The following THEMIS variants were observed in gnomAD, a reference collection of about 807,000 sequenced individuals.
The protein encoded by THEMIS is protein THEMIS.
A neutral mutation model predicts 52.6 loss-of-function variants in THEMIS; 37 were observed. The observed-to-expected ratio is 0.70, with a 90% CI of 0.54 to 0.93. THEMIS has a LOEUF of 0.93. THEMIS is among the 40% of genes least tolerant of loss of function. The pLI is 0.00. For synonymous variants in THEMIS, 292 were observed against 272.7 expected (o/e 1.07, Z -0.70); for missense variants, 808 against 763.1 (o/e 1.06, Z -0.69).
At chr6:127,748,528 A>G (rs936585175) in intron 4 of THEMIS, among the ~76,000 whole-genome samples, 15 of 152,026 alleles carry the variant, frequency 9.9e-5, no homozygotes, top group African/African-American at 3.6e-4. Context: ...TTAATGACCT[A>G]ATCACCTCTT....
intron 4 of THEMIS, 47 bp from the exon 5 acceptor site, chr6:127,719,870 C>A: frequency 1.3e-6 from 2 of 1,593,112 alleles, no homozygotes; most frequent in Non-Finnish European, 8.5e-7. Flanking sequence ...AAAATAAATG[C>A]TTCATAGAGA....
intron 1 of THEMIS, among the ~76,000 whole-genome samples, chr6:127,890,786 T>A (rs1392519777): frequency 6.6e-6 from 1 of 152,104 alleles, no homozygotes; most frequent in African/African-American, 2.4e-5. Flanking sequence ...TAGTGTATAT[T>A]ATTAACAAAA....
chr6:127,742,469 A>T lies in THEMIS; in HGVS notation c.1759-22646T>A, dbSNP rs558272927. Among the ~76,000 whole-genome samples, 96 of 152,304 alleles carry T rather than the reference A, an allele frequency of 6.3e-4. 1 individual carries two copies. Among genetic ancestry groups the T allele is most frequent in the Non-Finnish European group, 1.0e-3 (71 of 68,024 alleles). ...AGACTCTAACAGATATTTGTAACTA[A>T]TGTTCACAGTAGTATTATTCACAAC... On this transcript the variant is annotated intron_variant, in intron 4 of 5. Coordinates refer to ENST00000368248, the MANE Select transcript of THEMIS (RefSeq NM_001010923.3).
At chr6:127,835,200 T>C (rs1778836738) in intron 2 of THEMIS, among the ~76,000 whole-genome samples, 1 of 152,090 alleles carries the variant, frequency 6.6e-6, no homozygotes, top group African/African-American at 2.4e-5. Context: ...CAATACCACA[T>C]ATTTGCTGTT....
At chr6:127,759,320 T>C (rs1775936943) in intron 4 of THEMIS, among the ~76,000 whole-genome samples, 1 of 152,176 alleles carries the variant, frequency 6.6e-6, no homozygotes, top group African/African-American at 2.4e-5. Context: ...TTCACAAATA[T>C]GTAGGCTGAT....
chr6:127,885,478 A>G (rs183074486), intron 1 of THEMIS, among the ~76,000 whole-genome samples: 1 of 152,166 alleles, frequency 6.6e-6, no homozygotes, highest in Non-Finnish European at 1.5e-5. Context: ...ATAAAAAATA[A>G]AAAAAACTAT....
At chr6:127,882,841 A>T (rs9388599) in intron 1 of THEMIS, among the ~76,000 whole-genome samples, 16,832 of 151,906 alleles carry the variant, frequency 0.11, 1,535 homozygotes, top group East Asian at 0.38. Flanking sequence ...TTACTACCAC[A>T]TCACTGCTTG....
intron 5 of THEMIS, among the ~76,000 whole-genome samples, chr6:127,711,251 G>A (rs963154919): frequency 6.6e-6 from 1 of 151,790 alleles, no homozygotes; most frequent in Non-Finnish European, 1.5e-5. Context: ...GATAGAATAT[G>A]TCAATAAATG....
chr6:127,871,685 T>G (rs1177756026), intron 1 of THEMIS, among the ~76,000 whole-genome samples: 1 of 152,170 alleles, frequency 6.6e-6, no homozygotes, highest in East Asian at 1.9e-4. Flanking sequence ...ATTTGACAAT[T>G]TAGTTGAAAT....
intron 4 of THEMIS, among the ~76,000 whole-genome samples, chr6:127,752,704 T>G (rs776678267): frequency 4.7e-4 from 72 of 151,680 alleles, no homozygotes; most frequent in South Asian, 4.1e-4. Flanking sequence ...AACAAAGAAA[T>G]GTCTAGGACC....
At chr6:127,883,812 C>T (rs953994163) in intron 1 of THEMIS, among the ~76,000 whole-genome samples, 26 of 151,966 alleles carry the variant, frequency 1.7e-4, no homozygotes, top group African/African-American at 5.8e-4. Context: ...GGCTAGGCTA[C>T]GTTATAATGT....
intron 4 of THEMIS, among the ~76,000 whole-genome samples, chr6:127,727,834 A>G (rs1359450940): frequency 6.6e-6 from 1 of 151,996 alleles, no homozygotes; most frequent in African/African-American, 2.4e-5. Context: ...CCTGCTTTCT[A>G]TCTCCTCAGC....
intron 1 of THEMIS, among the ~76,000 whole-genome samples, chr6:127,891,538 C>CAAAAAAAA (rs67886431): frequency 2.1e-5 from 2 of 96,806 alleles, no homozygotes; most frequent in Non-Finnish European, 4.1e-5. Context: ...TCCAGCTCAA[C>CAAAAAAAA]AAAAAAAAAA....
chr6:127,841,442 A>T (rs1779044507), intron 2 of THEMIS, among the ~76,000 whole-genome samples: 1 of 152,064 alleles, frequency 6.6e-6, no homozygotes, highest in African/African-American at 2.4e-5. Flanking sequence ...AGAAAGACGG[A>T]TGGTAAGGAC....
At chr6:127,887,522 A>G (rs547420012) in intron 1 of THEMIS, among the ~76,000 whole-genome samples, 7 of 152,272 alleles carry the variant, frequency 4.6e-5, no homozygotes, top group South Asian at 2.1e-4. Context: ...ACTATTTACC[A>G]ATAAAAAGGA....
chr6:127,893,346 G>C (rs1482155928), intron 1 of THEMIS, among the ~76,000 whole-genome samples: 1 of 152,036 alleles, frequency 6.6e-6, no homozygotes, highest in Non-Finnish European at 1.5e-5. Flanking sequence ...ATGATTTACT[G>C]AAAGATTGAT....
chr6:127,875,391 A>G (rs557947171), intron 1 of THEMIS, among the ~76,000 whole-genome samples: 1 of 152,338 alleles, frequency 6.6e-6, no homozygotes, highest in African/African-American at 2.4e-5. Context: ...CCTCAACACA[A>G]TGTAGAAACC....
intron 4 of THEMIS, among the ~76,000 whole-genome samples, chr6:127,809,025 A>T (rs269999): frequency 6.6e-6 from 1 of 152,086 alleles, no homozygotes; most frequent in Non-Finnish European, 1.5e-5. Flanking sequence ...GAAATGATTT[A>T]GTAAAGTTAA....
intron 2 of THEMIS, among the ~76,000 whole-genome samples, chr6:127,835,676 C>T (rs1349104241): frequency 6.6e-6 from 1 of 152,080 alleles, no homozygotes; most frequent in Admixed American, 6.5e-5. Context: ...ATTAGATATT[C>T]TAGCCTGGAT....
Sources: allele counts gnomAD v4.1 joint callset (sites outside exome capture counted in the v4.1 genomes callset), GRCh38; gene constraint gnomAD v4.1.1; transcripts MANE v1.5; gene names NCBI Gene and HGNC (gene_info 2026-07-23, HGNC 2026-07-21).